The following AKT1S1 variants were observed in gnomAD, a reference collection of about 807,000 sequenced individuals.
AKT1S1 encodes proline-rich AKT1 substrate 1.
A neutral mutation model predicts 21.2 loss-of-function variants in AKT1S1; 17 were observed. That is an observed-to-expected ratio of 0.80 (90% CI 0.55 to 1.20). The LOEUF is 1.20. Among genes scored for constraint, AKT1S1 ranks in the 50% most tolerant of loss-of-function variants. The pLI is 0.00. For synonymous variants in AKT1S1, 181 were observed against 165.6 expected (o/e 1.09, Z -0.72); for missense variants, 366 against 368.3 (o/e 0.99, Z 0.05).
chr19:49,877,464 G>T (rs1341805945), upstream of AKT1S1: 2 of 505,188 alleles, frequency 4.0e-6, no homozygotes, highest in South Asian at 5.4e-5. Flanking sequence ...TGTTTACTTC[G>T]TGGCGAGAGG....
At chr19:49,872,455 G>A (rs923576273) in intron 2 of AKT1S1, among the ~76,000 whole-genome samples, 2 of 152,084 alleles carry the variant, frequency 1.3e-5, no homozygotes, top group Non-Finnish European at 2.9e-5. Context: ...GGAAGTGCCC[G>A]ACCCCCAAAT....
chr19:49,869,675 T>C lies in AKT1S1; in HGVS notation c.*242A>G. ...CGAGCCAATCCCTTAATAGAAGGAA[T>C]CTGTCGCTAGGCGGAGAGAGACGAC... On this transcript the variant is annotated 3_prime_UTR_variant, in exon 5 of 5. Transcript: ENST00000344175. The C allele has an allele frequency of 2.4e-6, 1 of 424,816 alleles. No homozygotes were observed. The highest frequency in any genetic ancestry group is 3.7e-5 in the East Asian group (1 of 26,976). 26.3% of individuals were successfully genotyped at this position (424,816 alleles called of 1,614,324 possible).
At position 49,871,692 on chromosome 19, in the gene AKT1S1, G is replaced by A; in HGVS notation, c.482C>T (p.Pro161Leu). 6.2e-7 allele frequency: 1 copy of A among 1,613,114 alleles called. No homozygotes were observed. Among genetic ancestry groups the A allele is most frequent in the Non-Finnish European group, 8.5e-7 (1 of 1,179,562 alleles). Residue 161 changes from proline to leucine, a missense_variant, in exon 4 of 5, where the codon CCC (proline) becomes CTC (leucine). Transcript: ENST00000344175. The part of the protein sequence containing the change: ...TDDGSLSEET[P>L]AGPPTCSVPP... The stretch of plus-strand genomic sequence containing the variant: ...CACTGAGCAGGTGGGGGGGCCGGCG[G>A]GGGTCTCCTCGCTCAGGCTGCCATC...
chr19:49,872,308 C>T (rs573268503), intron 2 of AKT1S1, among the ~76,000 whole-genome samples: 1 of 152,302 alleles, frequency 6.6e-6, no homozygotes, highest in East Asian at 1.9e-4. Flanking sequence ...AGGATGCCTG[C>T]CCTTCACCCT....
chr19:49,876,797 C>T (rs1305979652), intron 1 of AKT1S1: 3 of 1,038,948 alleles, frequency 2.9e-6, no homozygotes, highest in African/African-American at 3.4e-5. Context: ...GACAGCTTGC[C>T]CCTAAGAAAA....
At chr19:49,878,255 G>T (rs1401893711), upstream of AKT1S1, 3 of 1,554,156 alleles carry the variant, frequency 1.9e-6, no homozygotes. Context: ...CGCTGGGAGG[G>T]AGCAGGGCTC....
At chr19:49,876,691 G>A (rs754536239) in intron 1 of AKT1S1, 201 of 1,457,702 alleles carry the variant, frequency 1.4e-4, no homozygotes, top group South Asian at 5.5e-4. Context: ...CAGTTGCCCC[G>A]CCTCCTCTCC....
intron 1 of AKT1S1, among the ~76,000 whole-genome samples, chr19:49,875,647 G>A (rs1215397818): frequency 2.6e-5 from 4 of 152,192 alleles, no homozygotes; most frequent in Admixed American, 6.5e-5. Flanking sequence ...AGGGGGAGAG[G>A]AGGTCCCGGA....
chr19:49,876,418 C>A (rs1404229681), intron 1 of AKT1S1, among the ~76,000 whole-genome samples: 1 of 152,230 alleles, frequency 6.6e-6, no homozygotes, highest in East Asian at 1.9e-4. Context: ...TGCCTCAGGT[C>A]TGACAGGACG....
intron 1 of AKT1S1, chr19:49,876,169 C>G: frequency 2.0e-6 from 2 of 1,004,616 alleles, no homozygotes. Context: ...GCGCCTGGGG[C>G]CACGCTCAGC....
In AKT1S1 at chr19:49,869,624, TG is replaced by T; in HGVS notation, c.*292del. On this transcript the variant is annotated 3_prime_UTR_variant, in exon 5 of 5. Transcript: ENST00000344175. The stretch of plus-strand genomic sequence containing the variant: ...GTCGCTAGGCGGAAAACAAAGGAGT[TG>T]ACCCATTTAGAGCTTAGAACTCAGC... 3.1e-6 allele frequency: 1 copy of T among 318,868 alleles called. No homozygotes were observed. 19.8% of individuals were successfully genotyped at this position (318,868 alleles called of 1,614,324 possible).
upstream of AKT1S1, chr19:49,878,232 C>G (rs981080546): frequency 1.3e-6 from 2 of 1,558,118 alleles, no homozygotes; most frequent in Non-Finnish European, 1.7e-6. Flanking sequence ...TCATCCGTGT[C>G]GTGGAAAAGG....
Position 49,876,708 on chromosome 19 carries a change from T to TCCGCCTCCTCTCCGCACACC in AKT1S1, c.-8+528_-8+529insGGTGTGCGGAGAGGAGGCGG, listed in dbSNP as rs2074950946. Reference sequence around the variant, plus strand: ...GTTGCCCCGCCTCCTCTCCGCACACTCCGCCTCCCTTATCGGGGCCGCCCG... The same window carrying TCCGCCTCCTCTCCGCACACC: ...GTTGCCCCGCCTCCTCTCCGCACACTCCGCCTCCTCTCCGCACACCCCGCCTCCCTTATCGGGGCCGCCCG... On this transcript the variant is annotated intron_variant, in intron 1 of 4. Coordinates refer to ENST00000344175, the MANE Select transcript of AKT1S1 (RefSeq NM_001098633.4). The TCCGCCTCCTCTCCGCACACC allele has an allele frequency of 2.1e-6, 3 of 1,417,282 alleles. No homozygotes were observed. The South Asian group carries it at 4.4e-5, about 21-fold the overall frequency. 87.8% of individuals were successfully genotyped at this position (1,417,282 alleles called of 1,614,324 possible). A position where few individuals can be genotyped will look rare whatever the true frequency, so the allele number is the denominator to read the frequency against.
rs2074861858 is a variant in AKT1S1 at position 49,869,813 on chromosome 19, G to A, written c.*104C>T. ...CAATCTTGGGAATGGGAGACGCAAGGAGGCCGGTCCCGGATCGGCCTCAGA... is the reference window on the plus strand; with the variant it reads ...CAATCTTGGGAATGGGAGACGCAAGAAGGCCGGTCCCGGATCGGCCTCAGA... On this transcript the variant is annotated 3_prime_UTR_variant, in exon 5 of 5. Coordinates refer to ENST00000344175, the MANE Select transcript of AKT1S1 (RefSeq NM_001098633.4). 7 of 1,222,574 alleles carry A rather than the reference G, an allele frequency of 5.7e-6. No individual in the cohort carries two copies. In the East Asian group the frequency reaches 1.9e-4, roughly 33 times the overall value. 75.7% of individuals were successfully genotyped at this position (1,222,574 alleles called of 1,614,324 possible). A position where few individuals can be genotyped will look rare whatever the true frequency, so the allele number is the denominator to read the frequency against.
Position 49,871,704 on chromosome 19 carries a change from C to A in AKT1S1, c.470G>T (p.Ser157Ile). ...DPESTDDGSL[S>I]EETPAGPPTC... ...GGGGGGGCCGGCGGGGGTCTCCTCG[C>A]TCAGGCTGCCATCTGAAAGAGAGGG... Residue 157 changes from serine (S) to isoleucine (I), a missense_variant, in exon 4 of 5, where the codon AGC becomes ATC. Physicochemically the swap from Ser to Ile is moderately radical, Grantham distance 142. Coordinates refer to ENST00000344175, the MANE Select transcript of AKT1S1 (RefSeq NM_001098633.4). 6.2e-7 allele frequency: 1 copy of A among 1,612,796 alleles called. No individual in the cohort carries two copies. Among genetic ancestry groups the A allele is most frequent in the Non-Finnish European group, 8.5e-7 (1 of 1,179,346 alleles).
At chr19:49,871,057 C>T (rs557454019) in intron 4 of AKT1S1, among the ~76,000 whole-genome samples, 9 of 152,226 alleles carry the variant, frequency 5.9e-5, no homozygotes, top group Non-Finnish European at 1.2e-4. Context: ...CTCAGTGCCT[C>T]AGTTTCCCCT....
chr19:49,875,738 T>A (rs1050443264), intron 1 of AKT1S1: 21 of 522,496 alleles, frequency 4.0e-5, no homozygotes, highest in Middle Eastern at 2.0e-3. Flanking sequence ...GTGAGTGAGT[T>A]GTGAGGGCTC....
chr19:49,875,470 TG>T (rs970886796), intron 1 of AKT1S1, among the ~76,000 whole-genome samples: 2 of 152,130 alleles, frequency 1.3e-5, no homozygotes, highest in Non-Finnish European at 1.5e-5. Flanking sequence ...CCCACTGAAC[TG>T]GGGGGTACCC....
Position 49,869,802 on chromosome 19 carries a change from G to C in AKT1S1, c.*115C>G. On this transcript the variant is annotated 3_prime_UTR_variant, in exon 5 of 5. Transcript: ENST00000344175. ...CAGAGGCGGGACAATCTTGGGAATG[G>C]GAGACGCAAGGAGGCCGGTCCCGGA... The C allele has an allele frequency of 1.7e-6, 2 of 1,152,726 alleles. No individual in the cohort carries two copies. The highest frequency in any genetic ancestry group is 2.3e-6 in the Non-Finnish European group (2 of 877,402). 71.4% of individuals were successfully genotyped at this position (1,152,726 alleles called of 1,614,324 possible).
Sources: gnomAD v4.1 joint callset for allele counts (sites outside exome capture counted in the v4.1 genomes callset) on GRCh38, gnomAD v4.1.1 for gene constraint, MANE v1.5 for transcripts, NCBI Gene and HGNC (gene_info 2026-07-23, HGNC 2026-07-21) for gene names.